The following CACHD1 variants were observed in gnomAD, a reference collection of about 807,000 sequenced individuals.
The protein encoded by CACHD1 is cache domain containing 1, also known as VWFA and cache domain-containing protein 1.
In CACHD1, 71 loss-of-function variants were observed where a neutral mutation model predicts 138.7. That is an observed-to-expected ratio of 0.51 (90% confidence interval 0.42 to 0.62). The LOEUF is 0.62. CACHD1 is among the 20% of genes least tolerant of loss of function. The probability of loss-of-function intolerance (pLI) is 0.00; values close to 1 mark genes in which losing one functional copy is unlikely to be tolerated. For missense variants in CACHD1, 1,389 were observed against 1,625.3 expected (o/e 0.85, Z 2.50); for synonymous variants, 578 against 591.5 (o/e 0.98, Z 0.33).
At chr1:64,577,292 A>G (rs1646975921) in intron 2 of CACHD1, among the ~76,000 whole-genome samples, 1 of 152,074 alleles carries the variant, frequency 6.6e-6, no homozygotes. Context: ...AACTTCTTCA[A>G]AGTACTTGAT....
At position 64,633,914 on chromosome 1, in the gene CACHD1, T is replaced by G. The variant is rs770293662; in HGVS notation, c.790-130T>G. 16 of 667,194 alleles carry G rather than the reference T, an allele frequency of 2.4e-5. No homozygotes were observed. The South Asian group carries it at 3.3e-4, about 14-fold the overall frequency. 41.3% of individuals were successfully genotyped at this position (667,194 alleles called of 1,614,324 possible). Reference sequence around the variant, plus strand: ...TGATAGATGGATGGCTCCAGGGATTTATTTTGAAACTCTCAGAATCTGTTC... The same window carrying G: ...TGATAGATGGATGGCTCCAGGGATTGATTTTGAAACTCTCAGAATCTGTTC... On this transcript the variant is annotated intron_variant, in intron 6 of 26. Coordinates refer to ENST00000651257, the MANE Select transcript of CACHD1 (RefSeq NM_020925.4).
intron 2 of CACHD1, among the ~76,000 whole-genome samples, chr1:64,559,522 G>A (rs1430988657): frequency 6.6e-6 from 1 of 152,080 alleles, no homozygotes; most frequent in Non-Finnish European, 1.5e-5. Context: ...AGGAGGGAGA[G>A]GAGCAGAAAA....
At position 64,678,096 on chromosome 1, in the gene CACHD1, A is replaced by G. The variant is rs1464993965; in HGVS notation, c.3093-63A>G. 2.6e-6 allele frequency: 4 copies of G among 1,533,022 alleles called. No individual in the cohort carries two copies. The East Asian group carries it at 7.2e-5, about 28-fold the overall frequency. 95.0% of individuals were successfully genotyped at this position (1,533,022 alleles called of 1,614,324 possible). A position where few individuals can be genotyped will look rare whatever the true frequency, so the allele number is the denominator to read the frequency against. ...ATCCTGAGAACTGTCTGATGCCCAC[A>G]CTTAAGTGCTGTCCCCTGCCCCACA... On this transcript the variant is annotated intron_variant, in intron 22 of 26. Transcript: ENST00000651257.
intron 4 of CACHD1, among the ~76,000 whole-genome samples, chr1:64,623,632 C>T (rs1647994135): frequency 6.6e-6 from 1 of 152,068 alleles, no homozygotes; most frequent in Admixed American, 6.5e-5. Flanking sequence ...GGAGCTGGAA[C>T]GTACCTATAA....
chr1:64,561,633 G>C (rs569546654), intron 2 of CACHD1, among the ~76,000 whole-genome samples: 2 of 152,024 alleles, frequency 1.3e-5, no homozygotes, highest in East Asian at 3.9e-4. Flanking sequence ...TGGGAGGATC[G>C]CTTGAGCCCA....
chr1:64,582,404 T>A, intron 3 of CACHD1, 100 bp downstream of exon 3: 1 of 1,041,476 alleles, frequency 9.6e-7, no homozygotes, highest in Non-Finnish European at 1.4e-6. Flanking sequence ...TATTGCAAAT[T>A]GTGTAGCTTG....
chr1:64,504,585 T>G (rs1646357638), intron 1 of CACHD1, among the ~76,000 whole-genome samples: 1 of 152,216 alleles, frequency 6.6e-6, no homozygotes, highest in Non-Finnish European at 1.5e-5. Context: ...TGGTTTCATT[T>G]TGCTTTCCTA....
At chr1:64,591,670 C>G (rs1418587618) in intron 3 of CACHD1, among the ~76,000 whole-genome samples, 1 of 152,156 alleles carries the variant, frequency 6.6e-6, no homozygotes, top group Non-Finnish European at 1.5e-5. Context: ...AATTCCACTT[C>G]TTAATCATGT....
At chr1:64,651,750 G>A (rs1649104335) in intron 9 of CACHD1, among the ~76,000 whole-genome samples, 1 of 152,180 alleles carries the variant, frequency 6.6e-6, no homozygotes, top group Admixed American at 6.5e-5. Flanking sequence ...GGGTACAGCT[G>A]GACTATTAAG....
intron 4 of CACHD1, among the ~76,000 whole-genome samples, chr1:64,617,937 G>C (rs1035719918): frequency 6.6e-6 from 1 of 152,038 alleles, no homozygotes; most frequent in African/African-American, 2.4e-5. Flanking sequence ...AAAATTAGCC[G>C]GGTGTGGTGG....
chr1:64,523,017 A>G (rs909528996), intron 1 of CACHD1, among the ~76,000 whole-genome samples: 1 of 152,236 alleles, frequency 6.6e-6, no homozygotes, highest in Admixed American at 6.5e-5. Context: ...ATAAGTAGCC[A>G]TGATGGCCTT....
chr1:64,685,917 C>T (rs1017253616), intron 26 of CACHD1, among the ~76,000 whole-genome samples: 2 of 151,940 alleles, frequency 1.3e-5, no homozygotes, highest in African/African-American at 2.4e-5. Context: ...ATATGATAGG[C>T]ACGGTGCTCA....
At chr1:64,651,181 A>G (rs1373546987) in intron 9 of CACHD1, among the ~76,000 whole-genome samples, 2 of 152,158 alleles carry the variant, frequency 1.3e-5, no homozygotes, top group Non-Finnish European at 2.9e-5. Flanking sequence ...AACAAAAATT[A>G]TGCACTAGAG....
chr1:64,620,775 A>T (rs539195648), intron 4 of CACHD1, among the ~76,000 whole-genome samples: 3 of 152,204 alleles, frequency 2.0e-5, no homozygotes, highest in Non-Finnish European at 4.4e-5. Flanking sequence ...AATATTTTGG[A>T]AACTATTTTT....
chr1:64,671,883 A>G (rs1048795581), intron 17 of CACHD1, among the ~76,000 whole-genome samples, 197 bp downstream of exon 17: 3 of 152,052 alleles, frequency 2.0e-5, no homozygotes, highest in Non-Finnish European at 4.4e-5. Context: ...TATGATTTAG[A>G]CAGACTCAGC....
chr1:64,663,658 C>T (rs375617876), intron 13 of CACHD1, 37 bp from the exon 14 acceptor site: 60 of 1,613,200 alleles, frequency 3.7e-5, no homozygotes, highest in Middle Eastern at 3.3e-4. Flanking sequence ...ATAGAGTCTC[C>T]GCATTCTCAG....
chr1:64,610,624 G>A lies in CACHD1; in HGVS notation c.517+7712G>A, dbSNP rs549138081. Among the ~76,000 whole-genome samples the A allele has an allele frequency of 2.7e-4, 41 of 152,298 alleles. No homozygotes were observed. In the South Asian group the frequency reaches 7.7e-3, roughly 28 times the overall value. On this transcript the variant is annotated intron_variant, in intron 4 of 26. Coordinates refer to ENST00000651257, the MANE Select transcript of CACHD1 (RefSeq NM_020925.4). ...GCTGATACAAGAGATGAGCTCCCACGGCCTGGGGCAGCTCCGCCCATGTGG... is the reference window on the plus strand; with the variant it reads ...GCTGATACAAGAGATGAGCTCCCACAGCCTGGGGCAGCTCCGCCCATGTGG...
At chr1:64,649,445 A>G (rs750839212) in intron 9 of CACHD1, among the ~76,000 whole-genome samples, 20 of 152,160 alleles carry the variant, frequency 1.3e-4, no homozygotes, top group Non-Finnish European at 2.1e-4. Context: ...TTCCCTTTTT[A>G]GTGAAAATAT....
At chr1:64,518,105 GT>G (rs758279477) in intron 1 of CACHD1, among the ~76,000 whole-genome samples, 20 of 152,140 alleles carry the variant, frequency 1.3e-4, no homozygotes, top group Non-Finnish European at 2.6e-4. Flanking sequence ...TTTTCTAAAT[GT>G]TTGTATCTCC....
Sources: gnomAD v4.1 joint callset for allele counts (sites outside exome capture counted in the v4.1 genomes callset) on GRCh38, gnomAD v4.1.1 for gene constraint, MANE v1.5 for transcripts, NCBI Gene and HGNC (gene_info 2026-07-23, HGNC 2026-07-21) for gene names.